Variants in ORC1 observed in about 807,000 individuals in gnomAD.
ORC1 encodes the protein origin recognition complex subunit 1, also known as origin recognition complex, subunit 1 homolog.
A neutral mutation model predicts 98.9 loss-of-function variants in ORC1; 61 were observed. The observed-to-expected ratio is 0.62, with a 90% CI of 0.50 to 0.76. The LOEUF is 0.76. ORC1 is among the 30% of genes least tolerant of loss of function. ORC1 has a pLI of 0.00. For synonymous variants in ORC1, 385 were observed against 406.9 expected (o/e 0.95, Z 0.65); for missense variants, 979 against 1,072.2 (o/e 0.91, Z 1.21).
chr1:52,404,029 A>C (rs903125142), intron 1 of ORC1, among the ~76,000 whole-genome samples: 4 of 152,126 alleles, frequency 2.6e-5, no homozygotes, highest in Non-Finnish European at 2.9e-5. Context: ...CCCCCTGCAA[A>C]CTCAGTTCCC....
chr1:52,387,740 G>A (rs1403041199), intron 8 of ORC1, among the ~76,000 whole-genome samples: 1 of 152,096 alleles, frequency 6.6e-6, no homozygotes, highest in African/African-American at 2.4e-5. Flanking sequence ...TTACACGCAT[G>A]AGCCACCATG....
rs137944510 is a variant in ORC1 at position 52,385,909 on chromosome 1, C to T, written c.1424G>A (p.Arg475His). 133 of 1,613,660 alleles carry T rather than the reference C, an allele frequency of 8.2e-5. No individual in the cohort carries two copies. The highest frequency in any genetic ancestry group is 1.1e-4 in the Non-Finnish European group (125 of 1,179,966). Residue 475 changes from arginine (R) to histidine (H), a missense_variant, in exon 9 of 17, where the codon CGT (arginine) becomes CAT (histidine). Arg to His is a conservative substitution (Grantham distance 29). Transcript: ENST00000371568. Reference sequence around the variant, plus strand: ...CTCCTGGGCAGCCAGGCTTCGACTACGGATCTGAGGAGCGGCACAACGTGG... The same window carrying T: ...CTCCTGGGCAGCCAGGCTTCGACTATGGATCTGAGGAGCGGCACAACGTGG... ...RTPRCAAPQIRSRSLAAQEPA... is the reference protein window; with the variant it reads ...RTPRCAAPQIHSRSLAAQEPA...
chr1:52,373,227 A>T lies in ORC1; in HGVS notation c.2540T>A (p.Leu847His). The T allele has an allele frequency of 6.2e-7, 1 of 1,614,196 alleles. No individual in the cohort carries two copies. ...CAGCACATCATCCTGGCTGACGTTGAGCCGCACCCGAAGGAGCAGATCGTT... is the reference window on the plus strand; with the variant it reads ...CAGCACATCATCCTGGCTGACGTTGTGCCGCACCCGAAGGAGCAGATCGTT... The part of the protein sequence containing the change: ...SRNDLLLRVR[L>H]NVSQDDVLYA... Residue 847 changes from leucine to histidine, a missense_variant, in exon 17 of 17, where the codon CTC (leucine) becomes CAC (histidine). Transcript: ENST00000371568.
intron 14 of ORC1, among the ~76,000 whole-genome samples, chr1:52,379,307 G>A (rs1210445999): frequency 2.0e-4 from 30 of 148,996 alleles, no homozygotes; most frequent in Admixed American, 2.0e-3. Flanking sequence ...GCAGCGGTGC[G>A]ATCTCGGCTC....
chr1:52,379,878 A>G (rs987748125), intron 14 of ORC1, among the ~76,000 whole-genome samples: 6 of 152,132 alleles, frequency 3.9e-5, no homozygotes, highest in African/African-American at 1.4e-4. Flanking sequence ...GGTTGCGGTA[A>G]GCCGAAATTG....
chr1:52,395,232 C>G (rs1647339177), intron 5 of ORC1, among the ~76,000 whole-genome samples: 1 of 152,118 alleles, frequency 6.6e-6, no homozygotes, highest in Non-Finnish European at 1.5e-5. Flanking sequence ...ATCCAGTATA[C>G]TACCCTTTTG....
upstream of ORC1, chr1:52,404,468 C>T: frequency 3.1e-6 from 1 of 327,766 alleles, no homozygotes. Flanking sequence ...CGCCCCCAGA[C>T]CGTCCCTTCG....
At chr1:52,377,052 C>T (rs569610260) in intron 14 of ORC1, among the ~76,000 whole-genome samples, 4 of 152,238 alleles carry the variant, frequency 2.6e-5, no homozygotes, top group Admixed American at 2.6e-4. Flanking sequence ...GACAGAGTTT[C>T]ACTCTTGATG....
intron 16 of ORC1, among the ~76,000 whole-genome samples, chr1:52,374,203 C>T (rs1374172451): frequency 3.3e-5 from 5 of 152,146 alleles, no homozygotes; most frequent in Admixed American, 6.5e-5. Flanking sequence ...CAAAACATGA[C>T]GAGTAGCTAA....
At position 52,374,881 on chromosome 1, in the gene ORC1, C is replaced by T. The variant is rs775161364; in HGVS notation, c.2320G>A (p.Glu774Lys). Residue 774 changes from glutamate (E) to lysine (K), a missense_variant, in exon 16 of 17, where the codon GAA (glutamate) becomes AAA (lysine). By Grantham distance (56) the Glu-to-Lys change is moderately conservative. Coordinates refer to ENST00000371568, the MANE Select transcript of ORC1 (RefSeq NM_004153.4). ...AGGATGGCTCTCAGGAAGCTCTGTTCCAGAACAGAGGAATTTCTTAAAGGA... is the reference window on the plus strand; with the variant it reads ...AGGATGGCTCTCAGGAAGCTCTGTTTCAGAACAGAGGAATTTCTTAAAGGA... The part of the protein sequence containing the change: ...ITAIKNSSVL[E>K]QSFLRAILAE... The T allele has an allele frequency of 1.9e-6, 3 of 1,613,198 alleles. No homozygotes were observed. The highest frequency in any genetic ancestry group is 2.5e-6 in the Non-Finnish European group (3 of 1,179,206).
At chr1:52,399,324 G>A (rs770406308) in intron 3 of ORC1, among the ~76,000 whole-genome samples, 1 of 151,870 alleles carries the variant, frequency 6.6e-6, no homozygotes, top group Non-Finnish European at 1.5e-5. Flanking sequence ...CCTCATCTCT[G>A]CTAAAAATAC....
At chr1:52,383,795 C>G in intron 12 of ORC1, 35 bp downstream of exon 12, 4 of 1,552,772 alleles carry the variant, frequency 2.6e-6, no homozygotes, top group East Asian at 2.2e-5. Context: ...AGGTACAGCC[C>G]TGTTTCTTCT....
chr1:52,409,194 ATTAC>A (rs1464661445), upstream of ORC1: 1 of 153,658 alleles, frequency 6.5e-6, no homozygotes, highest in East Asian at 1.9e-4. Flanking sequence ...CTACAAGGAG[ATTAC>A]TTAATGTGCT....
intron 7 of ORC1, 99 bp downstream of exon 7, chr1:52,389,118 T>C: frequency 3.3e-6 from 3 of 906,330 alleles, no homozygotes; most frequent in South Asian, 2.7e-5. Context: ...TCAATTTCAA[T>C]GGATTGGCAA....
At chr1:52,393,905 G>A in intron 5 of ORC1, 102 bp from the exon 6 acceptor site, 1 of 1,252,692 alleles carries the variant, frequency 8.0e-7, no homozygotes, top group Non-Finnish European at 1.1e-6. Context: ...TGTAAAACAG[G>A]AATTATCTAT....
Position 52,396,317 on chromosome 1 carries a change from A to C in ORC1, c.450T>G (p.Asn150Lys), listed in dbSNP as rs1647394336. The change falls in exon 5 of 17, where the codon AAT becomes AAG. Residue 150 changes from asparagine (N) to lysine (K), a missense_variant. Physicochemically the swap from Asn to Lys is moderately conservative, Grantham distance 94. Coordinates refer to ENST00000371568, the MANE Select transcript of ORC1 (RefSeq NM_004153.4). Reference protein sequence around the residue: ...PKDVVPTNLKNEKTLFVKLSW... With the variant: ...PKDVVPTNLKKEKTLFVKLSW... ...ATAGTTTCACAAAGAGTGTCTTCTC[A>C]TTTTTCAGATTCGTCGGTACCACAT... 1 of 1,613,844 alleles carries C rather than the reference A, an allele frequency of 6.2e-7. No individual in the cohort carries two copies. Among genetic ancestry groups the C allele is most frequent in the Admixed American group, 1.7e-5 (1 of 59,968 alleles).
chr1:52,404,733 A>G (rs375570871), upstream of ORC1: 1 of 1,611,840 alleles, frequency 6.2e-7, no homozygotes, highest in Non-Finnish European at 8.5e-7. Flanking sequence ...CGGAAATAGA[A>G]TTGAAGGCAT....
In ORC1 at chr1:52,372,922, C is replaced by T. The variant is rs1569895350; in HGVS notation, c.*259G>A. 2 of 468,590 alleles carry T rather than the reference C, an allele frequency of 4.3e-6. No homozygotes were observed. Among genetic ancestry groups the T allele is most frequent in the East Asian group, 4.2e-5 (1 of 23,592 alleles). 29.0% of individuals were successfully genotyped at this position (468,590 alleles called of 1,614,324 possible). On this transcript the variant is annotated 3_prime_UTR_variant, in exon 17 of 17. Coordinates refer to ENST00000371568, the MANE Select transcript of ORC1 (RefSeq NM_004153.4). ...TTGTTACAACAATTCCATGTACTTC[C>T]AAAATCAGATGCTTTGTAGACTAGC...
chr1:52,404,766 T>G (rs1451287119), upstream of ORC1: 1 of 1,613,964 alleles, frequency 6.2e-7, no homozygotes, highest in African/African-American at 1.3e-5. Flanking sequence ...AACCGTACAG[T>G]GAAGGATGCG....
Sources: gnomAD v4.1 joint callset for allele counts (sites outside exome capture counted in the v4.1 genomes callset) on GRCh38, gnomAD v4.1.1 for gene constraint, MANE v1.5 for transcripts, NCBI Gene and HGNC (gene_info 2026-07-23, HGNC 2026-07-21) for gene names.